Variants in MYT1L observed in about 807,000 individuals in gnomAD.
The protein encoded by MYT1L is myelin transcription factor 1-like protein.
MYT1L carries 12 observed loss-of-function variants against 126.7 expected under a neutral mutation model. The ratio of observed to expected loss-of-function variants is 0.09; its 90% CI spans 0.06 to 0.15. The LOEUF is 0.15. MYT1L is among the 10% of genes least tolerant of loss of function. MYT1L has a pLI of 1.00. For synonymous variants in MYT1L, 541 were observed against 604.2 expected (o/e 0.90, Z 1.53); for missense variants, 979 against 1,585.2 (o/e 0.62, Z 6.49).
intron 4 of MYT1L, among the ~76,000 whole-genome samples, chr2:2,021,604 T>A (rs2065034282): frequency 6.6e-6 from 1 of 152,154 alleles, no homozygotes; most frequent in South Asian, 2.1e-4. Context: ...TCATTAAATG[T>A]GTAAGTTTAC....
intron 2 of MYT1L, among the ~76,000 whole-genome samples, chr2:2,217,700 C>CA (rs1168697652): frequency 4.1e-5 from 3 of 72,682 alleles, no homozygotes; most frequent in East Asian, 3.1e-4. Flanking sequence ...ACAACAACAA[C>CA]AACAACAAAA....
At chr2:1,813,982 G>A (rs1429703825) in intron 21 of MYT1L, among the ~76,000 whole-genome samples, 3 of 136,098 alleles carry the variant, frequency 2.2e-5, no homozygotes, top group African/African-American at 5.5e-5. Context: ...AGCCGAGATC[G>A]CGCCACTGCA....
intron 9 of MYT1L, among the ~76,000 whole-genome samples, chr2:1,939,728 G>C (rs952246480): frequency 2.0e-5 from 3 of 152,336 alleles, no homozygotes; most frequent in Admixed American, 6.5e-5. Context: ...CTGTTCCTTT[G>C]ATATAGAAGC....
At chr2:2,034,365 G>A (rs1464988123) in intron 4 of MYT1L, among the ~76,000 whole-genome samples, 3 of 107,920 alleles carry the variant, frequency 2.8e-5, no homozygotes, top group Admixed American at 1.8e-4. Flanking sequence ...CCTCCAATGC[G>A]GGTGCAGAAG....
At chr2:2,127,195 C>G (rs1286601278) in intron 3 of MYT1L, among the ~76,000 whole-genome samples, 2 of 152,082 alleles carry the variant, frequency 1.3e-5, no homozygotes, top group African/African-American at 2.4e-5. Flanking sequence ...AGGTATTAAG[C>G]CCTAGTACCC....
chr2:2,287,527 T>G (rs542064634), intron 1 of MYT1L, among the ~76,000 whole-genome samples: 17 of 152,218 alleles, frequency 1.1e-4, no homozygotes, highest in South Asian at 2.1e-4. Flanking sequence ...AAAAATAGAT[T>G]GTTGAAAAAA....
intron 8 of MYT1L, among the ~76,000 whole-genome samples, chr2:1,962,412 C>A (rs1258113688): frequency 1.3e-5 from 2 of 152,200 alleles, no homozygotes; most frequent in African/African-American, 4.8e-5. Context: ...ATCAACCGAG[C>A]CTTCAGGGCG....
intron 2 of MYT1L, among the ~76,000 whole-genome samples, chr2:2,190,965 A>G (rs538099676): frequency 1.3e-5 from 2 of 152,212 alleles, no homozygotes; most frequent in Non-Finnish European, 2.9e-5. Flanking sequence ...TTGTATTTTT[A>G]GTAGAGACAG....
intron 3 of MYT1L, among the ~76,000 whole-genome samples, chr2:2,133,225 G>A (rs1191794588): frequency 6.6e-6 from 1 of 152,154 alleles, no homozygotes; most frequent in African/African-American, 2.4e-5. Flanking sequence ...GTAAAGCGAT[G>A]ATCTATACAG....
rs1294541472 is a variant in MYT1L, at chr2:1,952,777, TCCTTTC to T, written c.153-9449_153-9444del. Among the ~76,000 whole-genome samples, 18 of 1,980 alleles carry T rather than the reference TCCTTTC, an allele frequency of 9.1e-3. 1 individual carries two copies. The highest frequency in any genetic ancestry group is 0.025 in the East Asian group (1 of 40). The allele number at this position is 1,980 out of a possible 152,430, so 1.3% of individuals were successfully genotyped here. ...CCCTTCCCTCCTTCCCTCCCTTCCCTCCTTTCCTCCCTTCCCTCCTTCTCTCCCTCC... is the reference window on the plus strand; with the variant it reads ...CCCTTCCCTCCTTCCCTCCCTTCCCTCTCCCTTCCCTCCTTCTCTCCCTCC... On this transcript the variant is annotated intron_variant, in intron 8 of 24. Coordinates refer to ENST00000647738, the MANE Select transcript of MYT1L (RefSeq NM_001303052.2).
chr2:1,914,202 C>A (rs546757659), intron 11 of MYT1L, among the ~76,000 whole-genome samples: 1 of 151,886 alleles, frequency 6.6e-6, no homozygotes, highest in East Asian at 1.9e-4. Context: ...TGCAGTGAGC[C>A]GAGATTACGC....
chr2:1,921,492 C>A (rs974846506), intron 10 of MYT1L, among the ~76,000 whole-genome samples: 10 of 152,150 alleles, frequency 6.6e-5, no homozygotes, highest in African/African-American at 2.4e-4. Flanking sequence ...CATATGCAAA[C>A]ATGTGCCCAC....
In MYT1L at chr2:2,184,183, CT is replaced by C. The variant is rs1476219122; in HGVS notation, c.-420-11196del. Among the ~76,000 whole-genome samples, 16 of 152,238 alleles carry C rather than the reference CT, an allele frequency of 1.1e-4. 2 individuals carry two copies. Among genetic ancestry groups the C allele is most frequent in the African/African-American group, 3.6e-4 (15 of 41,538 alleles). ...AATTTTAAACGTCTAAAAAACACAG[CT>C]GATATCTACCTAGAAGGAATCACTA... On this transcript the variant is annotated intron_variant, in intron 2 of 24. Transcript: ENST00000647738.
chr2:1,954,324 C>T (rs1170652493), intron 8 of MYT1L, among the ~76,000 whole-genome samples: 2 of 152,186 alleles, frequency 1.3e-5, no homozygotes, highest in African/African-American at 4.8e-5. Flanking sequence ...ATGGCCACTG[C>T]CCATTTGACG....
At chr2:1,890,355 G>A (rs1006449110) in intron 15 of MYT1L, among the ~76,000 whole-genome samples, 1 of 152,190 alleles carries the variant, frequency 6.6e-6, no homozygotes, top group African/African-American at 2.4e-5. Flanking sequence ...TTACAGGTGT[G>A]AGCCACTGCG....
intron 18 of MYT1L, among the ~76,000 whole-genome samples, chr2:1,880,262 C>T (rs2047367287): frequency 6.6e-6 from 1 of 152,224 alleles, no homozygotes; most frequent in Non-Finnish European, 1.5e-5. Flanking sequence ...GCTGACGCTG[C>T]CAAAGTGTAG....
intron 11 of MYT1L, among the ~76,000 whole-genome samples, chr2:1,913,713 G>A (rs1337641820): frequency 2.6e-5 from 4 of 152,104 alleles, no homozygotes; most frequent in South Asian, 2.1e-4. Flanking sequence ...GATGGCACAC[G>A]GGGGTCACTC....
chr2:1,877,653 G>C (rs1309506216), intron 18 of MYT1L, among the ~76,000 whole-genome samples: 4 of 152,172 alleles, frequency 2.6e-5, no homozygotes, highest in Non-Finnish European at 5.9e-5. Flanking sequence ...ATGGGACCTG[G>C]CTGCTCGCAC....
chr2:1,833,871 C>T (rs2040497475), intron 21 of MYT1L, among the ~76,000 whole-genome samples: 1 of 152,192 alleles, frequency 6.6e-6, no homozygotes, highest in Admixed American at 6.5e-5. Flanking sequence ...ACCCTCAACG[C>T]AGAAAGAGCA....
Sources: allele counts gnomAD v4.1 joint callset (sites outside exome capture counted in the v4.1 genomes callset), GRCh38; gene constraint gnomAD v4.1.1; transcripts MANE v1.5; gene names NCBI Gene and HGNC (gene_info 2026-07-23, HGNC 2026-07-21).